The following LARP1B variants were observed in gnomAD, a reference collection of about 807,000 sequenced individuals.
LARP1B encodes the protein la-related protein 1B.
In LARP1B, 76 loss-of-function variants were observed where a neutral mutation model predicts 114.2. That is an observed-to-expected ratio of 0.67 (90% CI 0.55 to 0.81). The LOEUF is 0.81. LARP1B is among the 30% of genes least tolerant of loss of function. The pLI, the probability that LARP1B is intolerant of heterozygous loss-of-function variation, is 0.00. For synonymous variants in LARP1B, 345 were observed against 348.0 expected (o/e 0.99, Z 0.10); for missense variants, 1,014 against 1,075.8 (o/e 0.94, Z 0.80).
chr4:128,096,103 C>T (rs1041130398), intron 7 of LARP1B, among the ~76,000 whole-genome samples: 2 of 151,198 alleles, frequency 1.3e-5, no homozygotes, highest in Non-Finnish European at 2.9e-5. Context: ...ACACCATTCT[C>T]CTGCCTCAGC....
At chr4:128,152,329 G>T (rs1252971077) in intron 11 of LARP1B, among the ~76,000 whole-genome samples, 2 of 150,200 alleles carry the variant, frequency 1.3e-5, no homozygotes, top group Non-Finnish European at 3.0e-5. Context: ...TTAGCCTCCC[G>T]AGTAGCTTGG....
intron 12 of LARP1B, among the ~76,000 whole-genome samples, chr4:128,175,098 G>A (rs536121128): frequency 1.3e-5 from 2 of 152,146 alleles, no homozygotes; most frequent in African/African-American, 2.4e-5. Flanking sequence ...GAAGAAACTG[G>A]TAGGATTTCT....
At chr4:128,110,720 A>G in intron 9 of LARP1B, among the ~76,000 whole-genome samples, 1 of 148,208 alleles carries the variant, frequency 6.7e-6, no homozygotes, top group Non-Finnish European at 1.5e-5. Flanking sequence ...CAGAGCATAT[A>G]TGTAAATTAA....
Position 128,098,315 on chromosome 4 carries a change from T to G in LARP1B, c.798T>G (p.Leu266=). 1 of 1,612,310 alleles carries G rather than the reference T, an allele frequency of 6.2e-7. No homozygotes were observed. Among genetic ancestry groups the G allele is most frequent in the African/African-American group, 1.3e-5 (1 of 75,016 alleles). Residue 266 remains leucine (L), a synonymous_variant, in exon 8 of 20, where the codon CTT becomes CTG. Coordinates refer to ENST00000326639, the MANE Select transcript of LARP1B (RefSeq NM_018078.4). The stretch of plus-strand genomic sequence containing the variant: ...GTGTTCAGGCTCTCACTACAAACCT[T>G]AATCTCATCTTAGAGGTAATTGCTC... ...FQRVQALTTN[L]NLILEALKDS...
intron 1 of LARP1B, among the ~76,000 whole-genome samples, chr4:128,063,691 A>T (rs1397445160): frequency 1.3e-5 from 2 of 151,376 alleles, no homozygotes; most frequent in Admixed American, 1.3e-4. Context: ...AGGCAGGAGA[A>T]TCGCTTGAAC....
At chr4:128,100,430 G>A (rs905192646) in intron 8 of LARP1B, among the ~76,000 whole-genome samples, 5 of 151,774 alleles carry the variant, frequency 3.3e-5, no homozygotes, top group Non-Finnish European at 7.4e-5. Context: ...ACGCCACCAA[G>A]CCTATCTAAC....
intron 5 of LARP1B, among the ~76,000 whole-genome samples, chr4:128,090,148 A>G (rs766454703): frequency 1.3e-4 from 20 of 150,746 alleles, no homozygotes; most frequent in Admixed American, 7.9e-4. Context: ...TCTTGGCTCA[A>G]TGCAACCCCT....
At chr4:128,160,693 T>C (rs982813070) in intron 11 of LARP1B, among the ~76,000 whole-genome samples, 2 of 152,210 alleles carry the variant, frequency 1.3e-5, no homozygotes, top group Non-Finnish European at 2.9e-5. Context: ...AATAGCAAGC[T>C]CTGTAGCAAG....
At chr4:128,153,797 A>G (rs1734088620) in intron 11 of LARP1B, among the ~76,000 whole-genome samples, 1 of 152,082 alleles carries the variant, frequency 6.6e-6, no homozygotes, top group Non-Finnish European at 1.5e-5. Flanking sequence ...TAAATTCTCC[A>G]GTTATTTGTC....
At chr4:128,180,955 T>C (rs1748119770) in intron 15 of LARP1B, among the ~76,000 whole-genome samples, 1 of 152,196 alleles carries the variant, frequency 6.6e-6, no homozygotes, top group African/African-American at 2.4e-5. Flanking sequence ...CCAACTTTCT[T>C]TAGATGAGTG....
chr4:128,222,796 A>C (rs907637431), downstream of LARP1B: 1 of 155,960 alleles, frequency 6.4e-6, no homozygotes, highest in Non-Finnish European at 1.4e-5. Context: ...GAAGGCAAAA[A>C]GCTGGTTTAT....
chr4:128,166,856 A>G (rs140719140), intron 12 of LARP1B, among the ~76,000 whole-genome samples: 1,947 of 150,516 alleles, frequency 0.013, 53 homozygotes, highest in African/African-American at 0.045. Context: ...TTCATTTAGC[A>G]TAATGTCCTC....
At position 128,211,878 on chromosome 4, in the gene LARP1B, T is replaced by A; in HGVS notation, c.*1825T>A. On this transcript the variant is annotated 3_prime_UTR_variant, in exon 20 of 20. Coordinates refer to ENST00000326639, the MANE Select transcript of LARP1B (RefSeq NM_018078.4). ...CAGGAGTTTTGTGGTTTGTATTAAT[T>A]AGTAGTTTTATCATATTTTTATTAT... 2.3e-6 allele frequency: 1 copy of A among 440,038 alleles called. No individual in the cohort carries two copies. Among genetic ancestry groups the A allele is most frequent in the Non-Finnish European group, 3.0e-6 (1 of 331,500 alleles). 27.3% of individuals were successfully genotyped at this position (440,038 alleles called of 1,614,324 possible).
chr4:128,082,466 C>A (rs1025283697), intron 5 of LARP1B, among the ~76,000 whole-genome samples, 161 bp downstream of exon 5: 1 of 152,168 alleles, frequency 6.6e-6, no homozygotes, highest in Non-Finnish European at 1.5e-5. Flanking sequence ...AACAATATAA[C>A]CGTAATGCAA....
chr4:128,146,878 T>C (rs78744497), intron 11 of LARP1B, among the ~76,000 whole-genome samples: 1 of 152,204 alleles, frequency 6.6e-6, no homozygotes, highest in Non-Finnish European at 1.5e-5. Context: ...AACTTAAAAC[T>C]AGGTCCTAAA....
At chr4:128,066,165 CTTTTTT>C (rs59927866) in intron 1 of LARP1B, among the ~76,000 whole-genome samples, 27 of 99,188 alleles carry the variant, frequency 2.7e-4, no homozygotes, top group Non-Finnish European at 4.5e-4. Context: ...TTTCTTTCTT[CTTTTTT>C]TTTTTTTTTT....
Position 128,210,458 on chromosome 4 carries a change from C to T in LARP1B, c.*405C>T, listed in dbSNP as rs1758780597. On this transcript the variant is annotated 3_prime_UTR_variant, in exon 20 of 20. Transcript: ENST00000326639. ...TAAAGAAGATATAGTATGTTGTATT[C>T]TCTTCTTAGAGCTTTCTTAAAGAAT... The T allele has an allele frequency of 6.0e-6, 6 of 1,002,606 alleles. No homozygotes were observed. The South Asian group carries it at 2.5e-4, about 43-fold the overall frequency. The allele number at this position is 1,002,606 out of a possible 1,614,324, so 62.1% of individuals were successfully genotyped here.
intron 3 of LARP1B, among the ~76,000 whole-genome samples, chr4:128,077,322 A>G (rs1475948514): frequency 1.3e-5 from 2 of 150,318 alleles, no homozygotes; most frequent in African/African-American, 4.9e-5. Flanking sequence ...ACATGGCGAA[A>G]CCCCCTCTCT....
At chr4:128,196,991 T>C (rs1754380647) in intron 15 of LARP1B, among the ~76,000 whole-genome samples, 3 of 152,144 alleles carry the variant, frequency 2.0e-5, no homozygotes, top group African/African-American at 7.2e-5. Flanking sequence ...GTACCTAGAA[T>C]AGTCAAATTT....
Sources: gnomAD v4.1 joint callset for allele counts (sites outside exome capture counted in the v4.1 genomes callset) on GRCh38, gnomAD v4.1.1 for gene constraint, MANE v1.5 for transcripts, NCBI Gene and HGNC (gene_info 2026-07-23, HGNC 2026-07-21) for gene names.